Variants in DNAI4 observed in about 807,000 individuals in gnomAD.
DNAI4 encodes the protein WD repeat domain 78.
Under a neutral mutation model 105.8 loss-of-function variants are expected in DNAI4, and 85 were observed. That is an observed-to-expected ratio of 0.80 (90% CI 0.67 to 0.96). The LOEUF (loss-of-function observed/expected upper bound fraction) is 0.96, where lower values mean the gene tolerates loss of function less well. DNAI4 is among the 40% of genes least tolerant of loss of function. The probability of loss-of-function intolerance (pLI) is 0.00; values close to 1 mark genes in which losing one functional copy is unlikely to be tolerated. For synonymous variants in DNAI4, 352 were observed against 331.5 expected, an observed-to-expected ratio of 1.06 and a Z score of -0.67; for missense variants, 1,014 against 1,005.6, an observed-to-expected ratio of 1.01 and a Z score of -0.11.
intron 13 of DNAI4, among the ~76,000 whole-genome samples, chr1:66,830,836 G>C (rs896132239): frequency 6.6e-6 from 1 of 150,640 alleles, no homozygotes; most frequent in African/African-American, 2.4e-5. Flanking sequence ...AATTAGCTAG[G>C]CATGGTGGTG....
chr1:66,919,542 G>A (rs1031951973), intron 1 of DNAI4, among the ~76,000 whole-genome samples: 4 of 152,104 alleles, frequency 2.6e-5, no homozygotes, highest in Admixed American at 6.5e-5. Flanking sequence ...AAAATATTCT[G>A]GGGATCCCAT....
intron 7 of DNAI4, among the ~76,000 whole-genome samples, chr1:66,854,889 T>A (rs1198666416): frequency 6.6e-6 from 1 of 152,230 alleles, no homozygotes; most frequent in Non-Finnish European, 1.5e-5. Flanking sequence ...AGACATTCCA[T>A]GTTCACAGAT....
intron 4 of DNAI4, among the ~76,000 whole-genome samples, chr1:66,881,455 G>T (rs369123387): frequency 6.6e-6 from 1 of 152,242 alleles, no homozygotes; most frequent in East Asian, 1.9e-4. Flanking sequence ...TGACCCGGAT[G>T]CAAGATACGG....
intron 1 of DNAI4, among the ~76,000 whole-genome samples, chr1:66,918,678 C>G (rs1264480607): frequency 6.6e-6 from 1 of 152,144 alleles, no homozygotes; most frequent in Non-Finnish European, 1.5e-5. Flanking sequence ...TCACAATCTG[C>G]TAAAAATGAG....
chr1:66,865,326 AG>A (rs1229483088), intron 6 of DNAI4, among the ~76,000 whole-genome samples: 4 of 152,128 alleles, frequency 2.6e-5, no homozygotes, highest in Admixed American at 2.6e-4. Context: ...TGGGAGGCTG[AG>A]GCACGAGAAT....
intron 15 of DNAI4, among the ~76,000 whole-genome samples, chr1:66,822,722 A>T (rs988762662): frequency 6.6e-6 from 1 of 152,176 alleles, no homozygotes; most frequent in Non-Finnish European, 1.5e-5. Flanking sequence ...CAACCAGGTA[A>T]ATTAAAGTAC....
intron 3 of DNAI4, among the ~76,000 whole-genome samples, chr1:66,893,003 A>AAGAAAG (rs1457709725): frequency 8.9e-6 from 1 of 112,008 alleles, no homozygotes; most frequent in African/African-American, 3.7e-5. Context: ...GAAAGAGAGA[A>AAGAAAG]AGAGAGAGAG....
At chr1:66,836,260 GAAAGAAAGAAAGAAAGAAAGAA>G (rs1646010517) in intron 10 of DNAI4, among the ~76,000 whole-genome samples, 8 of 16,324 alleles carry the variant, frequency 4.9e-4, no homozygotes, top group Non-Finnish European at 9.3e-4. Flanking sequence ...GAGAGAGAAA[GAAAGAAAGAAAGAAAGAAAGAA>G]AGAAAGAAAG....
chr1:66,913,419 A>T (rs1649806540), intron 1 of DNAI4, among the ~76,000 whole-genome samples: 1 of 152,134 alleles, frequency 6.6e-6, no homozygotes, highest in Non-Finnish European at 1.5e-5. Context: ...TTGGATGAGG[A>T]ACTGAACTGT....
intron 4 of DNAI4, among the ~76,000 whole-genome samples, chr1:66,876,474 C>A (rs1057053600): frequency 6.6e-6 from 1 of 152,076 alleles, no homozygotes; most frequent in Admixed American, 6.6e-5. Context: ...AATATGGTAA[C>A]ATCTCAGTTA....
intron 2 of DNAI4, among the ~76,000 whole-genome samples, chr1:66,903,831 T>G (rs1209412495): frequency 6.6e-6 from 1 of 152,152 alleles, no homozygotes; most frequent in African/African-American, 2.4e-5. Context: ...TCAGTTGCCC[T>G]GGCTAGGACT....
chr1:66,827,156 A>C (rs958496787), intron 14 of DNAI4, 110 bp from the exon 15 acceptor site: 16 of 877,628 alleles, frequency 1.8e-5, no homozygotes, highest in Non-Finnish European at 1.7e-5. Context: ...ACTATTCATT[A>C]TTGTGTGGGC....
Position 66,924,738 on chromosome 1 carries a change from A to G in DNAI4, c.94T>C (p.Trp32Arg), listed in dbSNP as rs200861654. 121 of 1,613,968 alleles carry G rather than the reference A, an allele frequency of 7.5e-5. No homozygotes were observed. In the East Asian group the frequency reaches 2.5e-3, roughly 34 times the overall value. The change falls in exon 1 of 17, where the codon TGG becomes CGG. Residue 32 changes from tryptophan (W) to arginine (R), a missense_variant. Trp to Arg is a moderately radical substitution (Grantham distance 101, BLOSUM62 -3). Transcript: ENST00000371026. Reference sequence around the variant, plus strand: ...GCGACCAGCTGGGGAGTGGTGCACCACCCCTTTTTTTGGCCGCCTCTGAAG... The same window carrying G: ...GCGACCAGCTGGGGAGTGGTGCACCGCCCCTTTTTTTGGCCGCCTCTGAAG... ...RDFRGGQKKG[W>R]CTTPQLVATM...
intron 8 of DNAI4, among the ~76,000 whole-genome samples, chr1:66,844,083 T>TAAAAA (rs1557917425): frequency 3.3e-3 from 14 of 4,294 alleles, no homozygotes; most frequent in African/African-American, 6.5e-3. Flanking sequence ...AACTGGAGAT[T>TAAAAA]CAAAAAAAAA....
rs1310402992 is a variant in DNAI4 at position 66,822,462 on chromosome 1, G to C, written c.2395C>G (p.Leu799Val). The stretch of plus-strand genomic sequence containing the variant: ...AGGCAATCTGTTTGTTTGGCAAAGA[G>C]AATGGTTGTGAACTTGATTCCAGGG... ...ANPGIKFTTI[L>V]FAKQTDCLLV... Residue 799 changes from leucine (L) to valine (V), a missense_variant, in exon 16 of 17, where the codon CTC becomes GTC. Transcript: ENST00000371026. 3.1e-6 allele frequency: 5 copies of C among 1,612,990 alleles called. No individual in the cohort carries two copies. The highest frequency in any genetic ancestry group is 1.7e-5 in the Admixed American group (1 of 59,764).
At chr1:66,863,665 C>T (rs1466828229) in intron 6 of DNAI4, among the ~76,000 whole-genome samples, 4 of 152,048 alleles carry the variant, frequency 2.6e-5, no homozygotes, top group Admixed American at 2.6e-4. Flanking sequence ...ACCATGTTGG[C>T]CAGGCTGGTC....
At chr1:66,862,677 C>A (rs985277515) in intron 6 of DNAI4, among the ~76,000 whole-genome samples, 9 of 152,152 alleles carry the variant, frequency 5.9e-5, no homozygotes, top group Non-Finnish European at 1.0e-4. Context: ...GAGGATACCT[C>A]AAGAGATCCT....
At chr1:66,916,587 C>T (rs1188190377) in intron 1 of DNAI4, among the ~76,000 whole-genome samples, 1 of 152,108 alleles carries the variant, frequency 6.6e-6, no homozygotes, top group Non-Finnish European at 1.5e-5. Flanking sequence ...ATTTTAAGGG[C>T]TGCTTTTAAG....
rs1646841873 is a variant in DNAI4, at chr1:66,871,369, C to T, written c.940+1G>A. On this transcript the variant is annotated splice_donor_variant, in intron 6 of 16. Coordinates refer to ENST00000371026, the MANE Select transcript of DNAI4 (RefSeq NM_024763.5). LOFTEE classifies it high-confidence loss of function. ...TTATCAAGCAGAATGATAGAAATTA[C>T]CTTTATCTTCCATTATGATTTTATC... is the stretch of plus-strand genomic sequence containing the variant. 9 of 1,603,224 alleles carry T rather than the reference C, an allele frequency of 5.6e-6. No homozygotes were observed. Among genetic ancestry groups the T allele is most frequent in the Non-Finnish European group, 7.7e-6 (9 of 1,175,182 alleles).
Sources: allele counts gnomAD v4.1 joint callset (sites outside exome capture counted in the v4.1 genomes callset), GRCh38; gene constraint gnomAD v4.1.1; transcripts MANE v1.5; gene names NCBI Gene and HGNC (gene_info 2026-07-23, HGNC 2026-07-21).